Variants in NHP2 observed in about 807,000 individuals in gnomAD.
The protein encoded by NHP2 is NHP2 ribonucleoprotein.
In NHP2, 10 loss-of-function variants were observed where a neutral mutation model predicts 16.7. That is an observed-to-expected ratio of 0.60 (90% CI 0.37 to 1.01). The LOEUF (loss-of-function observed/expected upper bound fraction) is 1.01, where lower values mean the gene tolerates loss of function less well. Among genes scored for constraint, NHP2 ranks in the 50% least tolerant of loss-of-function variants. NHP2 has a pLI of 0.01. For missense variants in NHP2, 184 were observed against 198.3 expected, an observed-to-expected ratio of 0.93 and a Z score of 0.43; for synonymous variants, 87 against 78.9, an observed-to-expected ratio of 1.10 and a Z score of -0.54.
chr5:178,153,373 G>A (rs768126848), intron 2 of NHP2, 118 bp downstream of exon 2: 1 of 996,980 alleles, frequency 1.0e-6, no homozygotes, highest in Non-Finnish European at 1.6e-6. Flanking sequence ...CCGACTGCTT[G>A]ATTGGCTTCT....
chr5:178,149,991 C>T (rs1340396247), intron 3 of NHP2, 153 bp from the exon 4 acceptor site: 1 of 775,646 alleles, frequency 1.3e-6, no homozygotes, highest in African/African-American at 1.7e-5. Flanking sequence ...TGGTTGCCAT[C>T]ATTTAAACTC....
rs143501297 is a variant in NHP2 at position 178,149,741 on chromosome 5, T to G, written c.434A>C (p.Glu145Ala). Reference protein sequence around the residue: ...YQEAYDECLEEVQSLPLPL With the variant: ...YQEAYDECLEAVQSLPLPL ...TAGGGGTAGGGGCAGGGACTGCACC[T>G]CCTCCAGGCACTCATCGTAAGCCTC... is the stretch of plus-strand genomic sequence containing the variant. Residue 145 changes from glutamate to alanine, a missense_variant, in exon 4 of 4, where the codon GAG becomes GCG. Transcript: ENST00000274606. 6.2e-7 allele frequency: 1 copy of G among 1,613,986 alleles called. No individual in the cohort carries two copies. Among genetic ancestry groups the G allele is most frequent in the Non-Finnish European group, 8.5e-7 (1 of 1,179,976 alleles).
intron 3 of NHP2, chr5:178,150,679 G>A: frequency 1.4e-6 from 1 of 707,162 alleles, no homozygotes; most frequent in South Asian, 1.4e-5. Context: ...CACAGCGCCT[G>A]GGCTGGGATT....
At chr5:178,150,774 T>C (rs992953846) in intron 3 of NHP2, 114 bp downstream of exon 3, 11 of 794,098 alleles carry the variant, frequency 1.4e-5, no homozygotes, top group Admixed American at 1.7e-5. Context: ...TGAGAATCCA[T>C]CCAGGCCTGT....
intron 2 of NHP2, among the ~76,000 whole-genome samples, chr5:178,151,623 C>T (rs1291606314): frequency 6.6e-6 from 1 of 152,174 alleles, no homozygotes; most frequent in Non-Finnish European, 1.5e-5. Context: ...ACTCCTAGTG[C>T]TCCTCTGGGC....
At position 178,153,639 on chromosome 5, in the gene NHP2, ACGC is replaced by A. The variant is rs1206830374; in HGVS notation, c.160+16_160+18del. On this transcript the variant is annotated intron_variant, in intron 1 of 3. Coordinates refer to ENST00000274606, the MANE Select transcript of NHP2 (RefSeq NM_017838.4). ...TCCCACCCGCGCACCCATCCCGGCC[ACGC>A]CGCCGTCCGCCTCACCTTTCTTGAT... The A allele has an allele frequency of 6.2e-7, 1 of 1,612,802 alleles. No homozygotes were observed.
At position 178,149,786 on chromosome 5, in the gene NHP2, T is replaced by G; in HGVS notation, c.389A>C (p.Lys130Thr). 2 of 1,614,042 alleles carry G rather than the reference T, an allele frequency of 1.2e-6. No individual in the cohort carries two copies. Among genetic ancestry groups the G allele is most frequent in the Non-Finnish European group, 1.7e-6 (2 of 1,179,940 alleles). ...AGCCTCCTGGTACTCCTCATGGGGCTTGACCATTATCACACAGGTGGGGCG... is the reference window on the plus strand; with the variant it reads ...AGCCTCCTGGTACTCCTCATGGGGCGTGACCATTATCACACAGGTGGGGCG... ...SKRPTCVIMV[K>T]PHEEYQEAYD... The change falls in exon 4 of 4, where the codon AAG becomes ACG. Residue 130 changes from lysine to threonine, a missense_variant. Coordinates refer to ENST00000274606, the MANE Select transcript of NHP2 (RefSeq NM_017838.4).
intron 2 of NHP2, 45 bp downstream of exon 2, chr5:178,153,446 G>A (rs1243651475): frequency 5.6e-6 from 9 of 1,594,218 alleles, no homozygotes; most frequent in Admixed American, 5.0e-5. Context: ...AGATTTCTCC[G>A]TTAACGTTTA....
rs1365978044 is a variant in NHP2, at chr5:178,150,917, A to G, written c.307T>C (p.Leu103=). Residue 103 remains leucine (L), a synonymous_variant, in exon 3 of 4, where the codon TTG becomes CTG. Transcript: ENST00000274606. ...TTAGAGGGGATATAGACATAGGGCA[A>G]ATTTCGGTCCTCACACATGACTGGG... ...HLPVMCEDRN[L]PYVYIPSKTD... is the part of the protein sequence containing the mutation. 6.2e-7 allele frequency: 1 copy of G among 1,614,084 alleles called. No individual in the cohort carries two copies. Among genetic ancestry groups the G allele is most frequent in the East Asian group, 2.2e-5 (1 of 44,866 alleles).
rs1238166064 is a variant in NHP2 at position 178,150,948 on chromosome 5, G to A, written c.276C>T (p.Cys92=). The A allele has an allele frequency of 1.2e-6, 2 of 1,614,084 alleles. No individual in the cohort carries two copies. The highest frequency in any genetic ancestry group is 2.2e-5 in the East Asian group (1 of 44,876). The part of the protein sequence containing the change: ...AGDTLPIEVY[C]HLPVMCEDRN... ...GGTCCTCACACATGACTGGGAGATG[G>A]CAGTATACCTCAATGGGCAGTGTGT... The change falls in exon 3 of 4, where the codon TGC becomes TGT. Residue 92 remains cysteine (C), a synonymous_variant. Transcript: ENST00000274606.
intron 3 of NHP2, chr5:178,150,118 G>T: frequency 2.8e-6 from 1 of 350,952 alleles, no homozygotes. Flanking sequence ...CACTTCCTGT[G>T]CCTCAGATCT....
rs121908089 is a variant in NHP2 at position 178,149,760 on chromosome 5, A to G, written c.415T>C (p.Tyr139His). 6.2e-7 allele frequency: 1 copy of G among 1,614,080 alleles called. No individual in the cohort carries two copies. The highest frequency in any genetic ancestry group is 8.5e-7 in the Non-Finnish European group (1 of 1,179,986). Residue 139 changes from tyrosine to histidine, a missense_variant, in exon 4 of 4, where the codon TAC (tyrosine) becomes CAC (histidine). Physicochemically the swap from Tyr to His is moderately conservative, Grantham distance 83. Coordinates refer to ENST00000274606, the MANE Select transcript of NHP2 (RefSeq NM_017838.4). Reference protein sequence around the residue: ...VKPHEEYQEAYDECLEEVQSL... With the variant: ...VKPHEEYQEAHDECLEEVQSL... ...TGCACCTCCTCCAGGCACTCATCGT[A>G]AGCCTCCTGGTACTCCTCATGGGGC... is the stretch of plus-strand genomic sequence containing the variant.
intron 2 of NHP2, chr5:178,153,217 C>G (rs1035002398): frequency 1.3e-5 from 7 of 528,386 alleles, no homozygotes; most frequent in Non-Finnish European, 2.1e-5. Context: ...GAGCGGAGCC[C>G]GGGGAGGAGG....
At position 178,152,413 on chromosome 5, in the gene NHP2, C is replaced by G. The variant is rs568778049; in HGVS notation, c.230+1078G>C. ...ATCCCTGTGTCTTAAGACCTCAGCT[C>G]AAATGTGACTGCTGAGGGAAACTTC... On this transcript the variant is annotated intron_variant, in intron 2 of 3. Transcript: ENST00000274606. 2.7e-5 allele frequency among the ~76,000 whole-genome samples: 4 copies of G among 150,246 alleles called. No individual in the cohort carries two copies. The South Asian group carries it at 8.6e-4, about 32-fold the overall frequency.
chr5:178,150,908 C>T lies in NHP2; in HGVS notation c.316G>A (p.Val106Ile), dbSNP rs1159974294. ...CTTACCGTCTTAGAGGGGATATAGA[C>T]ATAGGGCAAATTTCGGTCCTCACAC... is the stretch of plus-strand genomic sequence containing the variant. The part of the protein sequence containing the change: ...VMCEDRNLPY[V>I]YIPSKTDLGA... Residue 106 changes from valine (V) to isoleucine (I), a missense_variant, in exon 3 of 4, where the codon GTC (valine) becomes ATC (isoleucine). Coordinates refer to ENST00000274606, the MANE Select transcript of NHP2 (RefSeq NM_017838.4). 1.9e-6 allele frequency: 3 copies of T among 1,613,792 alleles called. No individual in the cohort carries two copies. Among genetic ancestry groups the T allele is most frequent in the Non-Finnish European group, 8.5e-7 (1 of 1,179,698 alleles).
chr5:178,151,321 A>C (rs968720284), intron 2 of NHP2, among the ~76,000 whole-genome samples: 1 of 151,746 alleles, frequency 6.6e-6, no homozygotes, highest in African/African-American at 2.4e-5. Context: ...GGGGCGGGGG[A>C]GAGCATGTGG....
intron 2 of NHP2, among the ~76,000 whole-genome samples, chr5:178,152,845 G>A (rs1472706140): frequency 6.6e-6 from 1 of 152,210 alleles, no homozygotes; most frequent in African/African-American, 2.4e-5. Flanking sequence ...CCAACGCTTC[G>A]GGAGGCTGAG....
intron 2 of NHP2, among the ~76,000 whole-genome samples, chr5:178,152,667 T>C (rs1269394651): frequency 6.6e-6 from 1 of 152,212 alleles, no homozygotes; most frequent in African/African-American, 2.4e-5. Context: ...GAAGTTATCA[T>C]TGCACTCTGT....
At position 178,149,707 on chromosome 5, in the gene NHP2, A is replaced by G; in HGVS notation, c.*6T>C. Reference sequence around the variant, plus strand: ...GCGGCAGGTGCCCAGGTGCTACCGGAGCCCCTCATAGGGGTAGGGGCAGGG... The same window carrying G: ...GCGGCAGGTGCCCAGGTGCTACCGGGGCCCCTCATAGGGGTAGGGGCAGGG... On this transcript the variant is annotated 3_prime_UTR_variant, in exon 4 of 4. Coordinates refer to ENST00000274606, the MANE Select transcript of NHP2 (RefSeq NM_017838.4). 6.2e-7 allele frequency: 1 copy of G among 1,613,318 alleles called. No homozygotes were observed. The highest frequency in any genetic ancestry group is 8.5e-7 in the Non-Finnish European group (1 of 1,179,926).
Sources: allele counts gnomAD v4.1 joint callset (sites outside exome capture counted in the v4.1 genomes callset), GRCh38; gene constraint gnomAD v4.1.1; transcripts MANE v1.5; gene names NCBI Gene and HGNC (gene_info 2026-07-23, HGNC 2026-07-21).